MARCO: variants seen among roughly 807,000 people sequenced by gnomAD.
MARCO encodes the protein macrophage receptor with collagenous structure.
Under a neutral mutation model 70.0 loss-of-function variants are expected in MARCO, and 72 were observed. The observed-to-expected ratio is 1.03, with a 90% CI of 0.85 to 1.25. MARCO has a LOEUF of 1.25. Ranked by LOEUF, MARCO falls within the 50% of genes most tolerant of loss-of-function variation. The pLI is 0.00. For synonymous variants in MARCO, 273 were observed against 243.1 expected, an observed-to-expected ratio of 1.12 and a Z score of -1.14; for missense variants, 696 against 659.3, an observed-to-expected ratio of 1.06 and a Z score of -0.61.
At chr2:118,980,412 C>T (rs1462892761) in intron 8 of MARCO, among the ~76,000 whole-genome samples, 1 of 152,208 alleles carries the variant, frequency 6.6e-6, no homozygotes, top group East Asian at 1.9e-4. Flanking sequence ...GAATTCACAG[C>T]ACTCAATGCT....
chr2:118,971,593 C>A (rs913885069), intron 4 of MARCO, 59 bp downstream of exon 4: 17 of 1,575,454 alleles, frequency 1.1e-5, no homozygotes, highest in Non-Finnish European at 1.3e-5. Flanking sequence ...CCCAAAAGGG[C>A]CCCTTGGCCT....
At chr2:118,966,626 T>C (rs1403468364) in intron 1 of MARCO, among the ~76,000 whole-genome samples, 4 of 152,202 alleles carry the variant, frequency 2.6e-5, no homozygotes, top group Admixed American at 6.5e-5. Context: ...CCATACCTTA[T>C]TTTTTCTCAT....
At chr2:118,986,724 A>AG (rs1332754562) in intron 12 of MARCO, among the ~76,000 whole-genome samples, 3 of 139,918 alleles carry the variant, frequency 2.1e-5, no homozygotes, top group South Asian at 2.4e-4. Context: ...AAAGAAAGAA[A>AG]AGAAAGAAAG....
At chr2:118,947,969 A>G (rs1414879061) in intron 1 of MARCO, among the ~76,000 whole-genome samples, 1 of 152,204 alleles carries the variant, frequency 6.6e-6, no homozygotes, top group African/African-American at 2.4e-5. Context: ...ATCCATGCAC[A>G]TCTCTCCATT....
At chr2:118,967,021 T>G (rs912557894) in intron 1 of MARCO, among the ~76,000 whole-genome samples, 1 of 152,216 alleles carries the variant, frequency 6.6e-6, no homozygotes. Flanking sequence ...ATCTATTCAG[T>G]CATCATCTTC....
chr2:118,963,450 G>C (rs1399931482), intron 1 of MARCO, among the ~76,000 whole-genome samples: 2 of 151,764 alleles, frequency 1.3e-5, no homozygotes, highest in Non-Finnish European at 2.9e-5. Flanking sequence ...TGGCAAATAA[G>C]GTATTCTGTA....
At chr2:118,955,429 C>A (rs182532884) in intron 1 of MARCO, among the ~76,000 whole-genome samples, 20 of 152,146 alleles carry the variant, frequency 1.3e-4, no homozygotes, top group South Asian at 4.1e-4. Flanking sequence ...AAAATATGAA[C>A]AAACCTCCAA....
chr2:118,970,868 T>A (rs1680152487), intron 3 of MARCO, among the ~76,000 whole-genome samples: 1 of 152,120 alleles, frequency 6.6e-6, no homozygotes, highest in East Asian at 1.9e-4. Context: ...AGCTGCTAGG[T>A]GTGGCTCAAC....
intron 12 of MARCO, among the ~76,000 whole-genome samples, chr2:118,987,785 T>C (rs1680544314): frequency 1.3e-5 from 2 of 152,226 alleles, no homozygotes; most frequent in Admixed American, 1.3e-4. Context: ...ACCTAGCAAG[T>C]TGTTTACTAA....
rs114951421 is a variant in MARCO, at chr2:118,969,356, C to T, written c.199+95C>T. 23 of 867,178 alleles carry T rather than the reference C, an allele frequency of 2.7e-5. No homozygotes were observed. In the African/African-American group the frequency reaches 3.5e-4, roughly 13 times the overall value. The allele number at this position is 867,178 out of a possible 1,614,324, so 53.7% of individuals were successfully genotyped here. ...GAAGGGCTCAGGTTGAGTGGAGAGC[C>T]TCGGGCCACTGCTCCCATCTGCTGG... On this transcript the variant is annotated intron_variant, in intron 2 of 16. Transcript: ENST00000327097.
rs761262281 is a variant in MARCO at position 118,977,518 on chromosome 2, A to G, written c.658+3A>G. 1 of 1,613,692 alleles carries G rather than the reference A, an allele frequency of 6.2e-7. No individual in the cohort carries two copies. Among genetic ancestry groups the G allele is most frequent in the South Asian group, 1.1e-5 (1 of 91,080 alleles). On this transcript the variant is annotated splice_donor_region_variant and intron_variant, in intron 7 of 16. Transcript: ENST00000327097. ...TCCAGGGAAGCAAGGAGCCACTGGT[A>G]ACTTGTACTTGCTCTGCTAGGGACA...
chr2:118,947,301 T>A (rs1378107412), intron 1 of MARCO, among the ~76,000 whole-genome samples: 4 of 152,228 alleles, frequency 2.6e-5, no homozygotes, highest in Non-Finnish European at 5.9e-5. Context: ...ACATTATTTT[T>A]ATTTTTATAT....
At chr2:118,974,631 T>C in intron 6 of MARCO, 66 bp downstream of exon 6, 1 of 1,480,972 alleles carries the variant, frequency 6.8e-7, no homozygotes, top group South Asian at 1.2e-5. Context: ...TGCTGTGGGC[T>C]GCAGACGCAG....
intron 3 of MARCO, among the ~76,000 whole-genome samples, chr2:118,971,231 C>A (rs1352907934): frequency 6.6e-6 from 1 of 152,124 alleles, no homozygotes; most frequent in African/African-American, 2.4e-5. Flanking sequence ...TTTGAAGCAA[C>A]CTCCTTTCCC....
Position 118,982,165 on chromosome 2 carries a change from G to C in MARCO, c.911G>C (p.Gly304Ala). ...PGAKGDQGQP[G>A]LQGVPGPPGA... ...ACTACTTTCCTTTCAGGACAACCTG[G>C]ACTGCAGGGTGTTCCGGGCCCTCCT... The change falls in exon 11 of 17, where the codon GGA (glycine) becomes GCA (alanine). Residue 304 changes from glycine to alanine, a missense_variant. By Grantham distance (60) the Gly-to-Ala change is moderately conservative. This residue lies in a region of MARCO where 605 missense variants were observed against 537.6 expected (regional missense o/e 1.13). Coordinates refer to ENST00000327097, the MANE Select transcript of MARCO (RefSeq NM_006770.4). 1 of 1,610,302 alleles carries C rather than the reference G, an allele frequency of 6.2e-7. No homozygotes were observed. Among genetic ancestry groups the C allele is most frequent in the Non-Finnish European group, 8.5e-7 (1 of 1,177,380 alleles).
At position 118,981,491 on chromosome 2, in the gene MARCO, G is replaced by A. The variant is rs1310698131; in HGVS notation, c.849G>A (p.Gly283=). ...CCCAGGGGAGTAAAGGTGACTTCGG[G>A]AGGCCAGGCCCACCAGGTAAGAGGG... ...PGAQGSKGDF[G]RPGPPGLAGF... Residue 283 remains glycine (G), a synonymous_variant, in exon 9 of 17, where the codon GGG becomes GGA. Coordinates refer to ENST00000327097, the MANE Select transcript of MARCO (RefSeq NM_006770.4). 1 of 1,600,586 alleles carries A rather than the reference G, an allele frequency of 6.2e-7. No homozygotes were observed. Among genetic ancestry groups the A allele is most frequent in the Non-Finnish European group, 8.5e-7 (1 of 1,176,852 alleles).
rs1261422336 is a variant in MARCO at position 118,986,709 on chromosome 2, GAAAGAAAGAAAGAAAA to G, written c.1064-3879_1064-3864del. On this transcript the variant is annotated intron_variant, in intron 12 of 16. Transcript: ENST00000327097. ...AGAAAGAAAGAAAGAAAGAAAGAAAGAAAGAAAGAAAGAAAAGAAAGAAAGAAAGAGAAAGAAAGAG... is the reference window on the plus strand; with the variant it reads ...AGAAAGAAAGAAAGAAAGAAAGAAAGGAAAGAAAGAAAGAGAAAGAAAGAG... Among the ~76,000 whole-genome samples the G allele has an allele frequency of 6.1e-4, 55 of 89,788 alleles. 11 individuals are homozygous for G. The highest frequency in any genetic ancestry group is 2.7e-3 in the African/African-American group (52 of 19,312). 58.9% of individuals were successfully genotyped at this position (89,788 alleles called of 152,430 possible).
intron 12 of MARCO, among the ~76,000 whole-genome samples, chr2:118,983,949 C>A (rs1056309009): frequency 6.6e-6 from 1 of 152,200 alleles, no homozygotes; most frequent in African/African-American, 2.4e-5. Flanking sequence ...GAATCCTGCC[C>A]TGCCCTTTGC....
In MARCO at chr2:118,990,119, A is replaced by G. The variant is rs183340708; in HGVS notation, c.1064-470A>G. On this transcript the variant is annotated intron_variant, in intron 12 of 16. Coordinates refer to ENST00000327097, the MANE Select transcript of MARCO (RefSeq NM_006770.4). ...GAATCTTTAGCCACTGGGAGCCACA[A>G]TGAAAAAAACCAACAAATACTTGAA... Among the ~76,000 whole-genome samples the G allele has an allele frequency of 3.3e-3, 508 of 152,334 alleles. 1 individual carries two copies. Among genetic ancestry groups the G allele is most frequent in the Admixed American group, 0.012 (186 of 15,310 alleles).
Sources: gnomAD v4.1 joint callset for allele counts (sites outside exome capture counted in the v4.1 genomes callset) on GRCh38, gnomAD v4.1.1 for gene constraint, gnomAD v4.1.1 regional missense constraint, MANE v1.5 for transcripts, NCBI Gene and HGNC (gene_info 2026-07-23, HGNC 2026-07-21) for gene names.